KPNA1: variants seen among roughly 807,000 people sequenced by gnomAD.
KPNA1 encodes the protein karyopherin subunit alpha 1.
Under a neutral mutation model 70.5 loss-of-function variants are expected in KPNA1, and 10 were observed. The ratio of observed to expected loss-of-function variants is 0.14; its 90% CI spans 0.09 to 0.24. The LOEUF (loss-of-function observed/expected upper bound fraction) is 0.24, where lower values mean the gene tolerates loss of function less well. KPNA1 is among the 10% of genes least tolerant of loss of function. KPNA1 has a pLI of 1.00. For missense variants in KPNA1, 397 were observed against 637.9 expected (o/e 0.62, Z 4.07); for synonymous variants, 192 against 221.9 (o/e 0.87, Z 1.20).
chr3:122,425,165 T>C lies in KPNA1; in HGVS notation c.*1820A>G, dbSNP rs1029669184. The C allele has an allele frequency of 6.6e-6, 1 of 152,606 alleles. No individual in the cohort carries two copies. Among genetic ancestry groups the C allele is most frequent in the Non-Finnish European group, 1.5e-5 (1 of 68,048 alleles). The allele number at this position is 152,606 out of a possible 1,614,324, so 9.5% of individuals were successfully genotyped here. On this transcript the variant is annotated 3_prime_UTR_variant, in exon 14 of 14. Transcript: ENST00000344337. Reference sequence around the variant, plus strand: ...TAGATGCGAAGAATGCGTCACACTCTTGGCTGATAAATGTCCTTTGTCTTT... The same window carrying C: ...TAGATGCGAAGAATGCGTCACACTCCTGGCTGATAAATGTCCTTTGTCTTT...
intron 12 of KPNA1, among the ~76,000 whole-genome samples, chr3:122,433,438 G>A (rs1325721542): frequency 6.6e-6 from 1 of 152,152 alleles, no homozygotes; most frequent in Non-Finnish European, 1.5e-5. Context: ...AAAAAGAAAT[G>A]GGAGAGTTAT....
Position 122,426,105 on chromosome 3 carries a change from G to C in KPNA1, c.*880C>G, listed in dbSNP as rs10045. Reference sequence around the variant, plus strand: ...TTTGGGAAAATTGGAGGGTTTTTTCGTCCTTAGTTTTTTTTATTAAATTAC... The same window carrying C: ...TTTGGGAAAATTGGAGGGTTTTTTCCTCCTTAGTTTTTTTTATTAAATTAC... On this transcript the variant is annotated 3_prime_UTR_variant, in exon 14 of 14. Coordinates refer to ENST00000344337, the MANE Select transcript of KPNA1 (RefSeq NM_002264.4). The C allele has an allele frequency of 6.6e-6, 1 of 151,870 alleles. No individual in the cohort carries two copies. The highest frequency in any genetic ancestry group is 1.5e-5 in the Non-Finnish European group (1 of 67,970). The allele number at this position is 151,870 out of a possible 1,614,324, so 9.4% of individuals were successfully genotyped here.
At chr3:122,480,731 A>G (rs2076562070) in intron 2 of KPNA1, among the ~76,000 whole-genome samples, 1 of 152,098 alleles carries the variant, frequency 6.6e-6, no homozygotes. Flanking sequence ...TCACACCTGC[A>G]ACCCTAGTGC....
intron 12 of KPNA1, chr3:122,432,670 A>G (rs1419841032): frequency 6.6e-6 from 1 of 152,076 alleles, no homozygotes; most frequent in Non-Finnish European, 1.5e-5. Flanking sequence ...TCTCTTCATC[A>G]TTACTTTTTT....
intron 2 of KPNA1, among the ~76,000 whole-genome samples, chr3:122,494,799 G>A (rs926976913): frequency 1.3e-5 from 2 of 152,074 alleles, no homozygotes; most frequent in African/African-American, 4.8e-5. Flanking sequence ...AATGAACATC[G>A]TGTTAATCAA....
intron 2 of KPNA1, among the ~76,000 whole-genome samples, chr3:122,472,881 G>T (rs2076457916): frequency 6.6e-6 from 1 of 152,070 alleles, no homozygotes; most frequent in Admixed American, 6.5e-5. Flanking sequence ...AGGAGTTCAA[G>T]ACCAGTGTGG....
At chr3:122,447,473 C>T (rs943514651) in intron 9 of KPNA1, among the ~76,000 whole-genome samples, 45 of 152,260 alleles carry the variant, frequency 3.0e-4, no homozygotes, top group African/African-American at 9.9e-4. Context: ...AATTCAACAG[C>T]CCTTCATGCT....
intron 1 of KPNA1, among the ~76,000 whole-genome samples, chr3:122,506,965 G>C (rs1447552506): frequency 6.6e-6 from 1 of 152,170 alleles, no homozygotes; most frequent in East Asian, 1.9e-4. Flanking sequence ...GTTCACTGCA[G>C]TGTGATTATT....
chr3:122,478,160 C>CA (rs566764177), intron 2 of KPNA1, among the ~76,000 whole-genome samples: 26,187 of 75,044 alleles, frequency 0.35, 3,238 homozygotes, highest in Non-Finnish European at 0.4. Flanking sequence ...GATGCTGTCT[C>CA]AAAAAAAAAA....
At chr3:122,491,473 G>A (rs71329270) in intron 2 of KPNA1, among the ~76,000 whole-genome samples, 12 of 152,182 alleles carry the variant, frequency 7.9e-5, no homozygotes, top group African/African-American at 1.9e-4. Flanking sequence ...TGTAGCGGCC[G>A]TTGGTTAAAC....
At chr3:122,457,750 G>A (rs1228532432) in intron 5 of KPNA1, 3 of 1,289,258 alleles carry the variant, frequency 2.3e-6, no homozygotes, top group Non-Finnish European at 3.0e-6. Flanking sequence ...CCCACTCCAG[G>A]TTGAGGTACG....
chr3:122,496,248 T>G (rs1005552339), intron 2 of KPNA1, among the ~76,000 whole-genome samples, 189 bp downstream of exon 2: 1 of 151,928 alleles, frequency 6.6e-6, no homozygotes, highest in Non-Finnish European at 1.5e-5. Context: ...TCCCCATTCT[T>G]GTATACCACT....
Position 122,461,286 on chromosome 3 carries a change from T to C in KPNA1, c.370A>G (p.Thr124Ala). Residue 124 changes from threonine to alanine, a missense_variant, in exon 5 of 14, where the codon ACA becomes GCA. Coordinates refer to ENST00000344337, the MANE Select transcript of KPNA1 (RefSeq NM_002264.4). ...PNPPIDEVIS[T>A]PGVVARFVEF... Reference sequence around the variant, plus strand: ...ACAAACCTGGCCACTACTCCTGGTGTGCTGATAACTTCATCAATAGGAGGG... The same window carrying C: ...ACAAACCTGGCCACTACTCCTGGTGCGCTGATAACTTCATCAATAGGAGGG... 3 of 1,613,202 alleles carry C rather than the reference T, an allele frequency of 1.9e-6. No individual in the cohort carries two copies. The South Asian group carries it at 3.3e-5, about 18-fold the overall frequency.
At chr3:122,454,759 T>C (rs1006324652) in intron 5 of KPNA1, among the ~76,000 whole-genome samples, 1 of 152,140 alleles carries the variant, frequency 6.6e-6, no homozygotes, top group African/African-American at 2.4e-5. Context: ...GATAGGACTT[T>C]TTGGGCATTC....
At chr3:122,437,390 C>T in intron 10 of KPNA1, 95 bp from the exon 11 acceptor site, 1 of 861,416 alleles carries the variant, frequency 1.2e-6, no homozygotes, top group Non-Finnish European at 1.7e-6. Flanking sequence ...ATAACATCTC[C>T]CCTTGAAATT....
intron 1 of KPNA1, among the ~76,000 whole-genome samples, chr3:122,514,080 C>A (rs2076986962): frequency 6.6e-6 from 1 of 152,230 alleles, no homozygotes; most frequent in African/African-American, 2.4e-5. Context: ...TAATCCGATA[C>A]CTCGCTGCTT....
At chr3:122,464,767 G>A (rs2076362227) in intron 3 of KPNA1, among the ~76,000 whole-genome samples, 1 of 151,982 alleles carries the variant, frequency 6.6e-6, no homozygotes, top group African/African-American at 2.4e-5. Flanking sequence ...TTCTTCTCAG[G>A]GTCATTTGTC....
chr3:122,476,739 C>T (rs2076501646), intron 2 of KPNA1, among the ~76,000 whole-genome samples: 2 of 150,654 alleles, frequency 1.3e-5, no homozygotes, highest in South Asian at 4.2e-4. Flanking sequence ...GTTAGAATGA[C>T]AATCATCAAA....
intron 2 of KPNA1, among the ~76,000 whole-genome samples, chr3:122,485,665 T>C (rs1177478214): frequency 1.3e-5 from 2 of 152,062 alleles, no homozygotes; most frequent in Non-Finnish European, 2.9e-5. Context: ...CAGACTTCAC[T>C]AAAGTAGATA....
Sources: gnomAD v4.1 joint callset for allele counts (sites outside exome capture counted in the v4.1 genomes callset) on GRCh38, gnomAD v4.1.1 for gene constraint, MANE v1.5 for transcripts, NCBI Gene and HGNC (gene_info 2026-07-23, HGNC 2026-07-21) for gene names.